The following PPARA variants were observed in gnomAD, a reference collection of about 807,000 sequenced individuals.
PPARA encodes peroxisome proliferator-activated receptor alpha.
In PPARA, 22 loss-of-function variants were observed where a neutral mutation model predicts 42.2. The ratio of observed to expected loss-of-function variants is 0.52; its 90% CI spans 0.37 to 0.74. The LOEUF is 0.74. PPARA is among the 30% of genes least tolerant of loss of function. The probability of loss-of-function intolerance (pLI) is 0.00; values close to 1 mark genes in which losing one functional copy is unlikely to be tolerated. For synonymous variants in PPARA, 242 were observed against 239.3 expected, an observed-to-expected ratio of 1.01 and a Z score of -0.10; for missense variants, 465 against 608.2, an observed-to-expected ratio of 0.76 and a Z score of 2.48.
In PPARA at chr22:46,161,717, C is replaced by T. The variant is rs55817389; in HGVS notation, c.-127+9747C>T. Among the ~76,000 whole-genome samples the T allele has an allele frequency of 7.2e-3, 1,099 of 152,328 alleles. 12 individuals are homozygous for T. Among genetic ancestry groups the T allele is most frequent in the African/African-American group, 0.025 (1,028 of 41,570 alleles). On this transcript the variant is annotated intron_variant, in intron 2 of 8. Transcript: ENST00000407236. The surrounding 1 kb of genome is among the most constrained non-coding windows in gnomAD (Gnocchi z 4.8). ...ATCCACCAGGTATCATTTTTATACA[C>T]GTGAAGTTAAATCACCAAAGGACCA...
chr22:46,153,018 G>A (rs1924680244), intron 2 of PPARA, among the ~76,000 whole-genome samples: 1 of 152,204 alleles, frequency 6.6e-6, no homozygotes, highest in African/African-American at 2.4e-5. Flanking sequence ...CCTGGGAGGT[G>A]AAGGTTTTAG....
intron 2 of PPARA, among the ~76,000 whole-genome samples, chr22:46,159,370 A>C (rs1229891041): frequency 6.6e-6 from 1 of 152,204 alleles, no homozygotes; most frequent in Non-Finnish European, 1.5e-5. Flanking sequence ...GGACTTTACA[A>C]TTTGTGAAGC....
rs1413608535 is a variant in PPARA, at chr22:46,180,406, G to A, written c.-43+3570G>A. ...GGCTTTAAGTAACCACTCCCCCACT[G>A]AAGTTAGAGTTAAGAAAGAATATTA... On this transcript the variant is annotated intron_variant, in intron 3 of 8. Coordinates refer to ENST00000407236, the MANE Select transcript of PPARA (RefSeq NM_005036.6). The surrounding 1 kb of genome is among the most constrained non-coding windows in gnomAD (Gnocchi z 4.2). 6.6e-6 allele frequency among the ~76,000 whole-genome samples: 1 copy of A among 152,126 alleles called. No homozygotes were observed. Among genetic ancestry groups the A allele is most frequent in the Non-Finnish European group, 1.5e-5 (1 of 68,030 alleles).
rs760396222 is a variant in PPARA, at chr22:46,188,799, C to G, written c.-42-9543C>G. 2.6e-5 allele frequency: 4 copies of G among 152,196 alleles called. No individual in the cohort carries two copies. The highest frequency in any genetic ancestry group is 4.4e-5 in the Non-Finnish European group (3 of 68,048). The allele number at this position is 152,196 out of a possible 1,614,324, so 9.4% of individuals were successfully genotyped here. ...GAGATTGCCTGTCTGTGGTCTCCAGCGTTAAGCACAGTCATTAGCTCAGGT... is the reference window on the plus strand; with the variant it reads ...GAGATTGCCTGTCTGTGGTCTCCAGGGTTAAGCACAGTCATTAGCTCAGGT... On this transcript the variant is annotated intron_variant, in intron 3 of 8. Transcript: ENST00000407236. The surrounding 1 kb of genome is among the most constrained non-coding windows in gnomAD (Gnocchi z 5.0).
intron 3 of PPARA, among the ~76,000 whole-genome samples, chr22:46,197,626 G>C (rs1404297383): frequency 1.3e-5 from 2 of 152,032 alleles, no homozygotes; most frequent in Non-Finnish European, 2.9e-5. Context: ...AAGTGGCCAG[G>C]CGCAGTGGCT....
chr22:46,202,566 A>T (rs1299224698), intron 4 of PPARA, among the ~76,000 whole-genome samples: 3 of 152,068 alleles, frequency 2.0e-5, no homozygotes. Flanking sequence ...GTGGAACCTC[A>T]TCTCTACTAA....
rs1925932627 is a variant in PPARA, at chr22:46,160,113, A to G, written c.-127+8143A>G. On this transcript the variant is annotated intron_variant, in intron 2 of 8. Transcript: ENST00000407236. This position sits in a 1 kb window ranked among gnomAD's most constrained non-coding sequence, Gnocchi z 4.5. ...GATCCAGGGCTGGTGCACTGAACCCAGAGGAGCAGGCTCCCATTCCCAGCT... is the reference window on the plus strand; with the variant it reads ...GATCCAGGGCTGGTGCACTGAACCCGGAGGAGCAGGCTCCCATTCCCAGCT... 6.6e-6 allele frequency among the ~76,000 whole-genome samples: 1 copy of G among 152,250 alleles called. No individual in the cohort carries two copies. Among genetic ancestry groups the G allele is most frequent in the Admixed American group, 6.5e-5 (1 of 15,282 alleles).
rs978810678 is a variant in PPARA at position 46,156,355 on chromosome 22, A to G, written c.-127+4385A>G. On this transcript the variant is annotated intron_variant, in intron 2 of 8. Coordinates refer to ENST00000407236, the MANE Select transcript of PPARA (RefSeq NM_005036.6). The surrounding 1 kb of genome is among the most constrained non-coding windows in gnomAD (Gnocchi z 5.2). ...GAAGGGCTGTGAAGCTCGAAGTGGC[A>G]GCTTAAAAAACTGCCCATCTCAGGA... 3.6e-4 allele frequency: 55 copies of G among 152,278 alleles called. No individual in the cohort carries two copies. The highest frequency in any genetic ancestry group is 1.3e-3 in the African/African-American group (55 of 41,540). The allele number at this position is 152,278 out of a possible 1,614,324, so 9.4% of individuals were successfully genotyped here. A position where few individuals can be genotyped will look rare whatever the true frequency, so the allele number is the denominator to read the frequency against.
intron 2 of PPARA, among the ~76,000 whole-genome samples, chr22:46,172,282 A>G (rs1928181812): frequency 6.8e-6 from 1 of 147,124 alleles, no homozygotes; most frequent in East Asian, 2.1e-4. Flanking sequence ...GGATGCCATG[A>G]GCTGGGATGG....
chr22:46,170,911 C>T (rs1471212953), intron 2 of PPARA, among the ~76,000 whole-genome samples: 1 of 151,376 alleles, frequency 6.6e-6, no homozygotes, highest in African/African-American at 2.4e-5. Flanking sequence ...CCTGTAATCC[C>T]AGCACTTTGG....
In PPARA at chr22:46,173,619, A is replaced by C. The variant is rs1928429598; in HGVS notation, c.-126-3134A>C. Among the ~76,000 whole-genome samples the C allele has an allele frequency of 6.6e-6, 1 of 152,260 alleles. No homozygotes were observed. Among genetic ancestry groups the C allele is most frequent in the Non-Finnish European group, 1.5e-5 (1 of 68,046 alleles). The stretch of plus-strand genomic sequence containing the variant: ...AAAAGCTGCGGAAATGTTTCAGATT[A>C]AAAGAGAGAAGACAATAAAATGTAA... On this transcript the variant is annotated intron_variant, in intron 2 of 8. Coordinates refer to ENST00000407236, the MANE Select transcript of PPARA (RefSeq NM_005036.6). The surrounding 1 kb of genome is among the most constrained non-coding windows in gnomAD (Gnocchi z 4.3).
rs886986857 is a variant in PPARA, at chr22:46,231,181, C to T, written c.712-611C>T. Among the ~76,000 whole-genome samples the T allele has an allele frequency of 1.3e-5, 2 of 151,840 alleles. No individual in the cohort carries two copies. The highest frequency in any genetic ancestry group is 2.4e-5 in the African/African-American group (1 of 41,320). On this transcript the variant is annotated intron_variant, in intron 7 of 8. Coordinates refer to ENST00000407236, the MANE Select transcript of PPARA (RefSeq NM_005036.6). The surrounding 1 kb of genome is among the most constrained non-coding windows in gnomAD (Gnocchi z 7.7). ...AAGCGATTCTCCTGCCTCAGCCTCC[C>T]GAGTAGCTGGGGTTACAGGCACACA... is the stretch of plus-strand genomic sequence containing the variant.
At chr22:46,199,631 C>G (rs890373356) in intron 4 of PPARA, among the ~76,000 whole-genome samples, 4 of 152,046 alleles carry the variant, frequency 2.6e-5, no homozygotes, top group Non-Finnish European at 5.9e-5. Flanking sequence ...GACAGTGAGA[C>G]CCTGTCTTTA....
At chr22:46,206,750 A>G (rs4253719) in intron 4 of PPARA, among the ~76,000 whole-genome samples, 4,469 of 152,256 alleles carry the variant, frequency 0.029, 217 homozygotes, top group African/African-American at 0.1. Context: ...ATTTACCCAC[A>G]TAATTACCTT....
At chr22:46,155,902 G>C (rs1314183113) in intron 2 of PPARA, 1 of 152,260 alleles carries the variant, frequency 6.6e-6, no homozygotes, top group Non-Finnish European at 1.5e-5. Context: ...CTTTGGAAAG[G>C]AGCACCATGC....
rs1048347127 is a variant in PPARA, at chr22:46,196,345, G to A, written c.-42-1997G>A. ...TATTCTTGACCATACAATCATGGTC[G>A]AGGACCCCCTACATGAGCTGCCTTC... On this transcript the variant is annotated intron_variant, in intron 3 of 8. Coordinates refer to ENST00000407236, the MANE Select transcript of PPARA (RefSeq NM_005036.6). This position sits in a 1 kb window ranked among gnomAD's most constrained non-coding sequence, Gnocchi z 5.6. Among the ~76,000 whole-genome samples, 6 of 152,148 alleles carry A rather than the reference G, an allele frequency of 3.9e-5. No homozygotes were observed. Among genetic ancestry groups the A allele is most frequent in the African/African-American group, 1.2e-4 (5 of 41,422 alleles).
chr22:46,199,927 T>C (rs1045891395), intron 4 of PPARA, among the ~76,000 whole-genome samples: 1 of 152,116 alleles, frequency 6.6e-6, no homozygotes, highest in Non-Finnish European at 1.5e-5. Context: ...TTCACCGTGT[T>C]GGCCAGGCTG....
chr22:46,150,821 G>C lies in PPARA; in HGVS notation c.-210+169G>C, dbSNP rs1009817988. 6.6e-6 allele frequency: 1 copy of C among 151,736 alleles called. No individual in the cohort carries two copies. The highest frequency in any genetic ancestry group is 6.6e-5 in the Admixed American group (1 of 15,250). 9.4% of individuals were successfully genotyped at this position (151,736 alleles called of 1,614,324 possible). ...GTCTCCGGGTCCCGGGGACCCGGGG[G>C]CCCGGGGTGCGCGGCTGGGGACCTG... On this transcript the variant is annotated intron_variant, in intron 1 of 8. Transcript: ENST00000407236. The surrounding 1 kb of genome is among the most constrained non-coding windows in gnomAD (Gnocchi z 7.5).
chr22:46,215,340 G>C lies in PPARA; in HGVS notation c.369+7G>C. On this transcript the variant is annotated splice_region_variant and intron_variant, in intron 5 of 8. Transcript: ENST00000407236. ...CGCGTGTGAAGGCTGCAAGGTAGAGGGGAGCTGGAACAGGGCCTGGTGGCC... is the reference window on the plus strand; with the variant it reads ...CGCGTGTGAAGGCTGCAAGGTAGAGCGGAGCTGGAACAGGGCCTGGTGGCC... 1 of 1,614,120 alleles carries C rather than the reference G, an allele frequency of 6.2e-7. No individual in the cohort carries two copies. Among genetic ancestry groups the C allele is most frequent in the Non-Finnish European group, 8.5e-7 (1 of 1,180,002 alleles).
Sources: allele counts gnomAD v4.1 joint callset (sites outside exome capture counted in the v4.1 genomes callset), GRCh38; gene constraint gnomAD v4.1.1; non-coding constraint Gnocchi (gnomAD v3.1); transcripts MANE v1.5; gene names NCBI Gene and HGNC (gene_info 2026-07-23, HGNC 2026-07-21).